Variants in OSCP1 observed in about 807,000 individuals in gnomAD.
The protein encoded by OSCP1 is protein OSCP1.
Under a neutral mutation model 45.1 loss-of-function variants are expected in OSCP1, and 35 were observed. The observed-to-expected ratio is 0.78, with a 90% confidence interval of 0.59 to 1.03. The LOEUF is 1.03. Ranked by LOEUF, OSCP1 falls within the 50% of genes least tolerant of loss-of-function variation. The probability of loss-of-function intolerance (pLI) is 0.00; values close to 1 mark genes in which losing one functional copy is unlikely to be tolerated. For missense variants in OSCP1, 400 were observed against 470.7 expected (o/e 0.85, Z 1.39); for synonymous variants, 179 against 180.1 (o/e 0.99, Z 0.05).
Position 36,450,448 on chromosome 1 carries a change from C to A in OSCP1, c.-79G>T. The A allele has an allele frequency of 1.7e-6, 2 of 1,208,278 alleles. No homozygotes were observed. Among genetic ancestry groups the A allele is most frequent in the Non-Finnish European group, 2.4e-6 (2 of 825,048 alleles). 74.8% of individuals were successfully genotyped at this position (1,208,278 alleles called of 1,614,324 possible). On this transcript the variant is annotated 5_prime_UTR_variant, in exon 1 of 10. Coordinates refer to ENST00000235532, the MANE Select transcript of OSCP1 (RefSeq NM_145047.5). ...GCCTGAAGGCCAGGCCGCAGCGTCC[C>A]AATAGTCCGGTTGCTGGGGCAACGC... is the stretch of plus-strand genomic sequence containing the variant.
chr1:36,435,495 T>G (rs1648666134), intron 2 of OSCP1, among the ~76,000 whole-genome samples: 1 of 152,092 alleles, frequency 6.6e-6, no homozygotes, highest in East Asian at 1.9e-4. Context: ...GAACTGAAAA[T>G]ATAATTAATA....
Position 36,450,238 on chromosome 1 carries a change from G to A in OSCP1, c.112+20C>T. 6.2e-7 allele frequency: 1 copy of A among 1,600,642 alleles called. No individual in the cohort carries two copies. The highest frequency in any genetic ancestry group is 8.6e-7 in the Non-Finnish European group (1 of 1,169,050). On this transcript the variant is annotated intron_variant, in intron 1 of 9. Coordinates refer to ENST00000235532, the MANE Select transcript of OSCP1 (RefSeq NM_145047.5). ...GGCTGCTGGCTGCGGGTCTGGCTGA[G>A]CGGGCCGGGGGCCTCTCACCTTTGC...
chr1:36,428,703 G>C (rs1458639432), intron 4 of OSCP1, among the ~76,000 whole-genome samples: 1 of 152,192 alleles, frequency 6.6e-6, no homozygotes, highest in Non-Finnish European at 1.5e-5. Flanking sequence ...CCAGCACTTT[G>C]GGAGGCTGAG....
chr1:36,422,710 T>C, intron 6 of OSCP1, 58 bp downstream of exon 6: 2 of 1,424,642 alleles, frequency 1.4e-6, no homozygotes, highest in Non-Finnish European at 1.9e-6. Context: ...TCTTTTTTTT[T>C]TTTTAAATGA....
intron 1 of OSCP1, among the ~76,000 whole-genome samples, chr1:36,441,750 C>CAAAAA (rs575967932): frequency 3.4e-5 from 2 of 58,272 alleles, no homozygotes; most frequent in African/African-American, 6.2e-5. Context: ...GACTCCAGCT[C>CAAAAA]AAAAAAAAAA....
intron 1 of OSCP1, among the ~76,000 whole-genome samples, chr1:36,449,835 C>CAAA (rs67376533): frequency 0.011 from 223 of 20,338 alleles, 57 homozygotes; most frequent in African/African-American, 0.036. Context: ...GACCCTGTCT[C>CAAA]AAAAAAAAAA....
Position 36,418,207 on chromosome 1 carries a change from T to C in OSCP1, c.1072A>G (p.Ile358Val). ...ELARIMGEFEITEQPRLSTSK... is the reference protein window; with the variant it reads ...ELARIMGEFEVTEQPRLSTSK... ...GTGCTCAGCCTTGGCTGCTCCGTGA[T>C]CTCAAACTCCCCCATGATTCGAGCC... Residue 358 changes from isoleucine (I) to valine (V), a missense_variant, in exon 10 of 10, where the codon ATC becomes GTC. By Grantham distance (29) the Ile-to-Val change is conservative. Coordinates refer to ENST00000235532, the MANE Select transcript of OSCP1 (RefSeq NM_145047.5). 6.2e-7 allele frequency: 1 copy of C among 1,614,200 alleles called. No homozygotes were observed. Among genetic ancestry groups the C allele is most frequent in the Non-Finnish European group, 8.5e-7 (1 of 1,180,044 alleles).
rs148484503 is a variant in OSCP1, at chr1:36,431,853, G to A, written c.465C>T (p.Phe155=). 91 of 1,613,352 alleles carry A rather than the reference G, an allele frequency of 5.6e-5. No individual in the cohort carries two copies. The highest frequency in any genetic ancestry group is 7.2e-5 in the Non-Finnish European group (85 of 1,180,024). ...EIYGGLSAGE[F]QLIRQTLLIF... is the part of the protein sequence containing the mutation. ...TGAGGAGTGTCTGCCGGATCAGCTG[G>A]AACTCCCCTGCAGAGAGACCACCAT... is the stretch of plus-strand genomic sequence containing the variant. The change falls in exon 4 of 10, where the codon TTC becomes TTT. Residue 155 remains phenylalanine, a synonymous_variant. Transcript: ENST00000235532.
intron 1 of OSCP1, among the ~76,000 whole-genome samples, chr1:36,446,401 C>A (rs895601253): frequency 7.2e-5 from 11 of 152,182 alleles, no homozygotes; most frequent in African/African-American, 2.7e-4. Context: ...AATCCCCTTG[C>A]AGGTGTGTTT....
At chr1:36,429,375 G>C (rs1270283613) in intron 4 of OSCP1, among the ~76,000 whole-genome samples, 1 of 140,588 alleles carries the variant, frequency 7.1e-6, no homozygotes, top group Non-Finnish European at 1.5e-5. Context: ...AACAAAATGA[G>C]AACCTGTCTC....
intron 1 of OSCP1, among the ~76,000 whole-genome samples, chr1:36,441,928 T>G (rs1184414959): frequency 1.3e-5 from 2 of 151,466 alleles, no homozygotes; most frequent in Non-Finnish European, 2.9e-5. Flanking sequence ...CGGATTTCAA[T>G]AGGAAGAGGC....
chr1:36,439,545 T>A (rs988078541), intron 1 of OSCP1, among the ~76,000 whole-genome samples: 1 of 152,146 alleles, frequency 6.6e-6, no homozygotes, highest in African/African-American at 2.4e-5. Context: ...CTATAATTTT[T>A]AAAACCAAAT....
chr1:36,447,846 T>C lies in OSCP1; in HGVS notation c.112+2412A>G, dbSNP rs1407608335. On this transcript the variant is annotated intron_variant, in intron 1 of 9. Coordinates refer to ENST00000235532, the MANE Select transcript of OSCP1 (RefSeq NM_145047.5). This position sits in a 1 kb window ranked among gnomAD's most constrained non-coding sequence, Gnocchi z 4.1. The stretch of plus-strand genomic sequence containing the variant: ...AATGTCCAGAAGGGCTGCATCAGGC[T>C]CCATATAGTATCTCACATAGTGTTT... 2.2e-6 allele frequency: 1 copy of C among 444,650 alleles called. No homozygotes were observed. The highest frequency in any genetic ancestry group is 2.4e-5 in the Admixed American group (1 of 41,786). 27.5% of individuals were successfully genotyped at this position (444,650 alleles called of 1,614,324 possible). A position where few individuals can be genotyped will look rare whatever the true frequency, so the allele number is the denominator to read the frequency against.
chr1:36,439,043 G>A, intron 1 of OSCP1, 133 bp from the exon 2 acceptor site: 2 of 934,488 alleles, frequency 2.1e-6, no homozygotes, highest in African/African-American at 1.7e-5. Flanking sequence ...GGTGAGATCA[G>A]CTCCCTGAGG....
intron 4 of OSCP1, among the ~76,000 whole-genome samples, chr1:36,427,597 G>A (rs532135758): frequency 1.8e-4 from 27 of 152,222 alleles, no homozygotes; most frequent in Non-Finnish European, 3.1e-4. Context: ...GATTACAGGC[G>A]TGAGCCACTG....
intron 1 of OSCP1, 31 bp downstream of exon 1, chr1:36,450,227 G>T: frequency 6.3e-7 from 1 of 1,577,964 alleles, no homozygotes; most frequent in Non-Finnish European, 8.7e-7. Context: ...GCTGGCTGCG[G>T]GTCTGGCTGA....
At chr1:36,430,546 G>C (rs1648292744) in intron 4 of OSCP1, among the ~76,000 whole-genome samples, 1 of 151,810 alleles carries the variant, frequency 6.6e-6, no homozygotes, top group Admixed American at 6.6e-5. Context: ...GAGGGAGGAG[G>C]ATCATTTGAG....
At chr1:36,430,407 G>A (rs981213151) in intron 4 of OSCP1, among the ~76,000 whole-genome samples, 1 of 152,140 alleles carries the variant, frequency 6.6e-6, no homozygotes, top group Non-Finnish European at 1.5e-5. Context: ...AGGAGGAGAG[G>A]GGCCCAGTTG....
In OSCP1 at chr1:36,418,971, G is replaced by A. The variant is rs1647449395; in HGVS notation, c.1023+20C>T. 2 of 1,560,248 alleles carry A rather than the reference G, an allele frequency of 1.3e-6. No homozygotes were observed. Among genetic ancestry groups the A allele is most frequent in the East Asian group, 4.5e-5 (2 of 44,576 alleles). Reference sequence around the variant, plus strand: ...GAGGAAGCGAATACGATTGGACCCTGTGTTATCCCCTGTACGTACCTGGGT... The same window carrying A: ...GAGGAAGCGAATACGATTGGACCCTATGTTATCCCCTGTACGTACCTGGGT... On this transcript the variant is annotated intron_variant, in intron 9 of 9. Coordinates refer to ENST00000235532, the MANE Select transcript of OSCP1 (RefSeq NM_145047.5).
Sources: allele counts gnomAD v4.1 joint callset (sites outside exome capture counted in the v4.1 genomes callset), GRCh38; gene constraint gnomAD v4.1.1; non-coding constraint Gnocchi (gnomAD v3.1); transcripts MANE v1.5; gene names NCBI Gene and HGNC (gene_info 2026-07-23, HGNC 2026-07-21).